The following PHF21A variants were observed in gnomAD, a reference collection of about 807,000 sequenced individuals.
The protein encoded by PHF21A is BHC80a.
A neutral mutation model predicts 82.5 loss-of-function variants in PHF21A; 11 were observed. That is an observed-to-expected ratio of 0.13 (90% CI 0.08 to 0.22). PHF21A has a LOEUF of 0.22. Among genes scored for constraint, PHF21A ranks in the 10% least tolerant of loss-of-function variants. The pLI, the probability that PHF21A is intolerant of heterozygous loss-of-function variation, is 1.00. For synonymous variants in PHF21A, 297 were observed against 302.8 expected (o/e 0.98, Z 0.20); for missense variants, 579 against 837.8 (o/e 0.69, Z 3.81).
At chr11:45,960,938 T>C (rs2135795444) in intron 10 of PHF21A, among the ~76,000 whole-genome samples, 1 of 152,352 alleles carries the variant, frequency 6.6e-6, no homozygotes, top group South Asian at 2.1e-4. Flanking sequence ...AGTTTGTTAT[T>C]GCCAAGAAGC....
intron 7 of PHF21A, among the ~76,000 whole-genome samples, chr11:45,975,539 A>G (rs1056223270): frequency 2.0e-5 from 3 of 151,832 alleles, no homozygotes. Context: ...ACAAATAGAA[A>G]CTTTTCCCTT....
intron 4 of PHF21A, among the ~76,000 whole-genome samples, chr11:46,083,953 C>A (rs936391981): frequency 1.3e-4 from 20 of 152,244 alleles, no homozygotes; most frequent in Admixed American, 9.1e-4. Context: ...CTTTTCAGTT[C>A]TTTTCTCTAG....
At chr11:45,984,027 A>G (rs1364973380) in intron 6 of PHF21A, among the ~76,000 whole-genome samples, 1 of 152,224 alleles carries the variant, frequency 6.6e-6, no homozygotes, top group Non-Finnish European at 1.5e-5. Context: ...AGGTATTCAC[A>G]TATAATGGAG....
intron 1 of PHF21A, among the ~76,000 whole-genome samples, chr11:46,102,722 A>G (rs1185981549): frequency 6.6e-6 from 1 of 152,226 alleles, no homozygotes; most frequent in Non-Finnish European, 1.5e-5. Flanking sequence ...GTCCAGATAT[A>G]AAGTATTTTA....
At chr11:45,935,159 T>C (rs1204897180) in intron 18 of PHF21A, 1 of 1,289,446 alleles carries the variant, frequency 7.8e-7, no homozygotes, top group East Asian at 5.5e-5. Context: ...TTCCTCACAC[T>C]GGTCAGGAAA....
chr11:45,939,352 G>C (rs1011734498), intron 15 of PHF21A, among the ~76,000 whole-genome samples: 5 of 152,000 alleles, frequency 3.3e-5, no homozygotes, highest in African/African-American at 1.2e-4. Context: ...AGAAGGACTG[G>C]GAAAGAAGAC....
intron 6 of PHF21A, among the ~76,000 whole-genome samples, chr11:46,028,647 C>T (rs973538319): frequency 2.0e-5 from 3 of 147,682 alleles, no homozygotes; most frequent in African/African-American, 7.5e-5. Flanking sequence ...GATCTCGGCT[C>T]ACTGCAACCT....
At chr11:46,088,598 AT>A (rs2096884264) in intron 3 of PHF21A, among the ~76,000 whole-genome samples, 1 of 152,214 alleles carries the variant, frequency 6.6e-6, no homozygotes, top group Non-Finnish European at 1.5e-5. Flanking sequence ...CCCAGGGTTC[AT>A]TTGTTTGTTT....
chr11:45,956,002 G>A (rs2092607857), intron 10 of PHF21A, among the ~76,000 whole-genome samples: 1 of 152,158 alleles, frequency 6.6e-6, no homozygotes, highest in Non-Finnish European at 1.5e-5. Context: ...CAGACCAGAA[G>A]GAAATGGGTT....
intron 6 of PHF21A, among the ~76,000 whole-genome samples, chr11:45,980,577 T>C (rs536272262): frequency 1.3e-5 from 2 of 152,314 alleles, no homozygotes; most frequent in East Asian, 3.9e-4. Context: ...GGTGTAGTCA[T>C]AGTGCATGCA....
intron 14 of PHF21A, among the ~76,000 whole-genome samples, chr11:45,946,576 C>T (rs1364281019): frequency 1.3e-5 from 2 of 152,098 alleles, no homozygotes; most frequent in African/African-American, 2.4e-5. Context: ...GGGGTTTCAT[C>T]GTGTTAGCCA....
At chr11:46,026,536 C>T (rs2095749955) in intron 6 of PHF21A, among the ~76,000 whole-genome samples, 1 of 152,090 alleles carries the variant, frequency 6.6e-6, no homozygotes, top group Non-Finnish European at 1.5e-5. Context: ...GCTTTAGCTA[C>T]CTCTTCTCTA....
Position 46,121,439 on chromosome 11 carries a change from G to A in PHF21A, c.-741C>T, listed in dbSNP as rs1853247133. ...AGCACCACCAGCCCATTCACCACCC[G>A]GCCCCGGGCCGCAGCACCTCCGCCG... On this transcript the variant is annotated 5_prime_UTR_variant, in exon 1 of 19. Coordinates refer to ENST00000676320, the MANE Select transcript of PHF21A (RefSeq NM_001352027.3). Among the ~76,000 whole-genome samples, 1 of 150,920 alleles carries A rather than the reference G, an allele frequency of 6.6e-6. No homozygotes were observed. Among genetic ancestry groups the A allele is most frequent in the Non-Finnish European group, 1.5e-5 (1 of 67,562 alleles).
At chr11:46,082,199 C>T (rs1346445539) in intron 4 of PHF21A, among the ~76,000 whole-genome samples, 1 of 152,200 alleles carries the variant, frequency 6.6e-6, no homozygotes, top group African/African-American at 2.4e-5. Flanking sequence ...TGTTTTCACT[C>T]CACAATACCA....
intron 6 of PHF21A, among the ~76,000 whole-genome samples, chr11:46,025,063 G>T (rs2095711829): frequency 6.6e-6 from 1 of 152,000 alleles, no homozygotes; most frequent in East Asian, 1.9e-4. Flanking sequence ...GAGTAATGGT[G>T]TTCTAGAAAC....
intron 6 of PHF21A, among the ~76,000 whole-genome samples, chr11:45,993,688 C>G (rs2094797741): frequency 6.6e-6 from 1 of 151,590 alleles, no homozygotes; most frequent in East Asian, 1.9e-4. Flanking sequence ...TGGTCATATT[C>G]TCTAGATACA....
intron 6 of PHF21A, among the ~76,000 whole-genome samples, chr11:46,028,083 TG>T (rs1190509271): frequency 1.3e-5 from 2 of 151,714 alleles, no homozygotes; most frequent in Non-Finnish European, 2.9e-5. Context: ...TGGAAATCTC[TG>T]GGGACAATTT....
intron 7 of PHF21A, among the ~76,000 whole-genome samples, chr11:45,977,636 A>T (rs972065730): frequency 1.3e-5 from 2 of 152,192 alleles, no homozygotes; most frequent in African/African-American, 2.4e-5. Flanking sequence ...TCCTCTAAAC[A>T]TTCTTTCAGA....
chr11:46,010,535 T>C (rs193301047), intron 6 of PHF21A, among the ~76,000 whole-genome samples: 1 of 152,354 alleles, frequency 6.6e-6, no homozygotes, highest in East Asian at 1.9e-4. Context: ...TTGGGAATAG[T>C]GGTATGAATA....
Sources: allele counts gnomAD v4.1 joint callset (sites outside exome capture counted in the v4.1 genomes callset), GRCh38; gene constraint gnomAD v4.1.1; transcripts MANE v1.5; gene names NCBI Gene and HGNC (gene_info 2026-07-23, HGNC 2026-07-21).